Variants in CNTN1 observed in about 807,000 individuals in gnomAD.
CNTN1 encodes the protein contactin-1.
A neutral mutation model predicts 126.4 loss-of-function variants in CNTN1; 38 were observed. The observed-to-expected ratio is 0.30, with a 90% CI of 0.23 to 0.39. The LOEUF (loss-of-function observed/expected upper bound fraction) is 0.39, where lower values mean the gene tolerates loss of function less well. Ranked by LOEUF, CNTN1 falls within the 10% of genes least tolerant of loss-of-function variation. The pLI is 1.00. For synonymous variants in CNTN1, 413 were observed against 422.6 expected, an observed-to-expected ratio of 0.98 and a Z score of 0.28; for missense variants, 1,009 against 1,248.4, an observed-to-expected ratio of 0.81 and a Z score of 2.89.
chr12:40,965,117 C>T (rs937487277), intron 15 of CNTN1, among the ~76,000 whole-genome samples: 32 of 152,098 alleles, frequency 2.1e-4, no homozygotes, highest in Admixed American at 2.0e-4. Context: ...GTGTTAGTTA[C>T]GTCTTTTCTC....
intron 3 of CNTN1, among the ~76,000 whole-genome samples, chr12:40,915,118 T>C (rs990800684): frequency 6.6e-6 from 1 of 152,118 alleles, no homozygotes; most frequent in Non-Finnish European, 1.5e-5. Context: ...AAGCATAATA[T>C]ACCTTAAATG....
At chr12:40,880,171 G>T (rs1943823113) in intron 1 of CNTN1, among the ~76,000 whole-genome samples, 1 of 152,044 alleles carries the variant, frequency 6.6e-6, no homozygotes, top group African/African-American at 2.4e-5. Flanking sequence ...GGAAAAGGCA[G>T]ATTATATAGT....
chr12:40,944,071 G>A lies in CNTN1; in HGVS notation c.1584G>A (p.Ala528=), dbSNP rs372359836. The A allele has an allele frequency of 3.7e-6, 6 of 1,613,360 alleles. No individual in the cohort carries two copies. Among genetic ancestry groups the A allele is most frequent in the African/African-American group, 2.7e-5 (2 of 74,838 alleles). Residue 528 remains alanine, a synonymous_variant, in exon 14 of 24, where the codon GCG becomes GCA. Transcript: ENST00000551295. ...VGENATMQCA[A]SFDPALDLTF... is the part of the protein sequence containing the mutation. ...AAAACGCCACCATGCAGTGTGCTGC[G>A]TCCTTTGATCCTGCCTTGGATCTCA... is the stretch of plus-strand genomic sequence containing the variant.
intron 1 of CNTN1, among the ~76,000 whole-genome samples, chr12:40,906,660 T>C (rs1451108424): frequency 7.0e-6 from 1 of 142,602 alleles, no homozygotes; most frequent in Admixed American, 7.4e-5. Flanking sequence ...TTTAAAATTG[T>C]TTTTCATGCT....
chr12:40,705,752 T>A (rs1941722622), intron 1 of CNTN1, among the ~76,000 whole-genome samples: 1 of 152,176 alleles, frequency 6.6e-6, no homozygotes, highest in South Asian at 2.1e-4. Context: ...TGACCCACGG[T>A]TCTGCAGGCT....
rs61508958 is a variant in CNTN1 at position 40,924,429 on chromosome 12, G to C, written c.401-128G>C. ...AAGAACGAGGAGCTGACTTTACTAGGCTTCACCAAACCACTGAGAAGTGCT... is the reference window on the plus strand; with the variant it reads ...AAGAACGAGGAGCTGACTTTACTAGCCTTCACCAAACCACTGAGAAGTGCT... On this transcript the variant is annotated intron_variant, in intron 5 of 23. Coordinates refer to ENST00000551295, the MANE Select transcript of CNTN1 (RefSeq NM_001843.4). 4.3e-3 allele frequency: 2,928 copies of C among 677,514 alleles called. 60 individuals are homozygous for C. In the African/African-American group the frequency reaches 0.046, roughly 11 times the overall value. The allele number at this position is 677,514 out of a possible 1,614,324, so 42.0% of individuals were successfully genotyped here. A position where few individuals can be genotyped will look rare whatever the true frequency, so the allele number is the denominator to read the frequency against.
At chr12:40,960,548 C>T (rs1039354425) in intron 15 of CNTN1, among the ~76,000 whole-genome samples, 3 of 152,018 alleles carry the variant, frequency 2.0e-5, no homozygotes, top group African/African-American at 7.2e-5. Context: ...GAAAACTCTT[C>T]TACTCCATTT....
intron 1 of CNTN1, among the ~76,000 whole-genome samples, chr12:40,836,121 T>C (rs1487979163): frequency 8.3e-6 from 1 of 120,014 alleles, no homozygotes; most frequent in Non-Finnish European, 1.8e-5. Flanking sequence ...CAGGTATATA[T>C]ATACGTACAT....
At chr12:40,924,804 T>C (rs980947063) in intron 6 of CNTN1, 152 bp downstream of exon 6, 19 of 607,288 alleles carry the variant, frequency 3.1e-5, no homozygotes, top group Middle Eastern at 4.2e-4. Flanking sequence ...GTGTCACTAA[T>C]TGTTGTGGAC....
chr12:40,922,551 G>A (rs1463981029), intron 5 of CNTN1, 123 bp downstream of exon 5: 1 of 855,934 alleles, frequency 1.2e-6, no homozygotes, highest in African/African-American at 1.7e-5. Context: ...CAAGATGAGT[G>A]GACCCTAATT....
At chr12:40,829,824 G>T (rs1455712797) in intron 1 of CNTN1, among the ~76,000 whole-genome samples, 1 of 152,168 alleles carries the variant, frequency 6.6e-6, no homozygotes, top group Admixed American at 6.6e-5. Context: ...CCTCCTGGCT[G>T]AGGTGGCTGA....
At chr12:40,707,046 G>GCGCGCACACACA (rs1381751022) in intron 1 of CNTN1, among the ~76,000 whole-genome samples, 1 of 149,316 alleles carries the variant, frequency 6.7e-6, no homozygotes, top group Admixed American at 6.7e-5. Context: ...GCGCGCTTGC[G>GCGCGCACACACA]CACACACACA....
chr12:40,887,491 G>A (rs1322446565), intron 1 of CNTN1, among the ~76,000 whole-genome samples: 5 of 152,064 alleles, frequency 3.3e-5, no homozygotes, highest in East Asian at 1.9e-4. Context: ...TTAGAATGGC[G>A]ATCATTAAAA....
At chr12:40,809,793 G>A (rs991834940) in intron 1 of CNTN1, among the ~76,000 whole-genome samples, 3 of 144,472 alleles carry the variant, frequency 2.1e-5, no homozygotes, top group Non-Finnish European at 3.0e-5. Flanking sequence ...TCCAGCCTGG[G>A]CAACAGAGTG....
chr12:40,849,507 C>T (rs74076662), intron 1 of CNTN1, among the ~76,000 whole-genome samples: 183 of 152,056 alleles, frequency 1.2e-3, no homozygotes, highest in African/African-American at 3.1e-3. Flanking sequence ...TCGAGTCTAC[C>T]CTCTGATTCC....
At chr12:40,972,701 C>T (rs574545435) in intron 15 of CNTN1, 1 of 955,080 alleles carries the variant, frequency 1.0e-6, no homozygotes, top group East Asian at 1.2e-4. Flanking sequence ...AGAACTTAGA[C>T]TAGAGATCCA....
At chr12:41,038,801 G>A (rs772386415) in intron 23 of CNTN1, among the ~76,000 whole-genome samples, 18 of 152,142 alleles carry the variant, frequency 1.2e-4, no homozygotes, top group Non-Finnish European at 1.8e-4. Context: ...GTATCTGAAG[G>A]TAGCTGAGGA....
At chr12:40,923,031 A>G (rs1389131406) in intron 5 of CNTN1, among the ~76,000 whole-genome samples, 1 of 150,062 alleles carries the variant, frequency 6.7e-6, no homozygotes, top group Non-Finnish European at 1.5e-5. Context: ...TCAAAGGGGC[A>G]CTATCACCCC....
intron 23 of CNTN1, among the ~76,000 whole-genome samples, chr12:41,066,512 A>G (rs188405739): frequency 4.0e-4 from 61 of 152,298 alleles, no homozygotes; most frequent in Middle Eastern, 6.8e-3. Context: ...CACAGCTAAA[A>G]CATAATTTGG....
Sources: gnomAD v4.1 joint callset for allele counts (sites outside exome capture counted in the v4.1 genomes callset) on GRCh38, gnomAD v4.1.1 for gene constraint, MANE v1.5 for transcripts, NCBI Gene and HGNC (gene_info 2026-07-23, HGNC 2026-07-21) for gene names.